Variants in ABCC4 observed in about 807,000 individuals in gnomAD.
The protein encoded by ABCC4 is ATP binding cassette subfamily C member 4 (PEL blood group), also known as ATP-binding cassette sub-family C member 4.
A neutral mutation model predicts 168.5 loss-of-function variants in ABCC4; 102 were observed. The observed-to-expected ratio is 0.61, with a 90% CI of 0.52 to 0.71. The LOEUF (loss-of-function observed/expected upper bound fraction) is 0.71. Among genes scored for constraint, ABCC4 ranks in the 30% least tolerant of loss-of-function variants. The pLI, the probability that ABCC4 is intolerant of heterozygous loss-of-function variation, is 0.00. For synonymous variants in ABCC4, 617 were observed against 590.7 expected (o/e 1.04, Z -0.65); for missense variants, 1,402 against 1,605.8 (o/e 0.87, Z 2.17).
At chr13:95,160,773 A>G (rs115666011) in intron 19 of ABCC4, among the ~76,000 whole-genome samples, 1 of 152,194 alleles carries the variant, frequency 6.6e-6, no homozygotes, top group Non-Finnish European at 1.5e-5. Context: ...CTCACGTCAG[A>G]GCATTCCTGA....
chr13:95,244,670 A>C (rs199868241), intron 3 of ABCC4, among the ~76,000 whole-genome samples: 31,085 of 106,448 alleles, frequency 0.29, 9,928 homozygotes, highest in Non-Finnish European at 0.4. Flanking sequence ...AGAAAGAAAG[A>C]AATCATAGCA....
At chr13:95,262,528 C>G (rs2040557284) in intron 1 of ABCC4, among the ~76,000 whole-genome samples, 2 of 152,304 alleles carry the variant, frequency 1.3e-5, no homozygotes, top group South Asian at 4.1e-4. Context: ...AATCAGTCCT[C>G]CAGGTGTCTT....
At chr13:95,246,162 C>T (rs909472848) in intron 3 of ABCC4, among the ~76,000 whole-genome samples, 1 of 152,128 alleles carries the variant, frequency 6.6e-6, no homozygotes, top group Non-Finnish European at 1.5e-5. Flanking sequence ...AGGTTATTGC[C>T]CTTCTGGCTG....
chr13:95,071,894 G>A (rs1209567057), intron 24 of ABCC4, 41 bp from the exon 25 acceptor site: 2 of 1,365,492 alleles, frequency 1.5e-6, no homozygotes, highest in Admixed American at 5.4e-5. Flanking sequence ...GGAATGGAGG[G>A]TGTCATTTAT....
intron 1 of ABCC4, among the ~76,000 whole-genome samples, chr13:95,251,664 C>G (rs1050005985): frequency 2.0e-5 from 3 of 152,090 alleles, no homozygotes; most frequent in Non-Finnish European, 4.4e-5. Flanking sequence ...AGGAGGTAAG[C>G]GAGAAGGCAG....
chr13:95,177,427 T>G (rs1678405), intron 13 of ABCC4, among the ~76,000 whole-genome samples: 1 of 151,922 alleles, frequency 6.6e-6, no homozygotes. Flanking sequence ...TAATTACTAG[T>G]AGGGGAAAAC....
chr13:95,282,217 T>G (rs2041143262), intron 1 of ABCC4, among the ~76,000 whole-genome samples: 1 of 151,846 alleles, frequency 6.6e-6, no homozygotes. Context: ...ACATGCGAAC[T>G]TTGGGGGGAC....
chr13:95,164,852 G>A (rs1187960185), intron 15 of ABCC4, among the ~76,000 whole-genome samples: 2 of 151,962 alleles, frequency 1.3e-5, no homozygotes, highest in South Asian at 2.1e-4. Context: ...CTGCTACCAC[G>A]CCTGGCTAAT....
chr13:95,203,877 C>T (rs1030408068), intron 8 of ABCC4, among the ~76,000 whole-genome samples: 23 of 152,190 alleles, frequency 1.5e-4, no homozygotes, highest in African/African-American at 5.1e-4. Context: ...AGTCTGCTTC[C>T]TCGCTCGGCC....
intron 19 of ABCC4, among the ~76,000 whole-genome samples, chr13:95,157,332 C>CAAA (rs61066518): frequency 0.026 from 3,684 of 139,862 alleles, 133 homozygotes; most frequent in African/African-American, 0.085. Flanking sequence ...ACTAAAAATA[C>CAAA]AAAAAAAAAA....
intron 9 of ABCC4, among the ~76,000 whole-genome samples, chr13:95,194,141 T>C (rs1241309493): frequency 1.3e-5 from 2 of 152,180 alleles, no homozygotes; most frequent in African/African-American, 4.8e-5. Flanking sequence ...CAGTACTTCT[T>C]GTGGGTGGCC....
At chr13:95,225,348 T>G in intron 4 of ABCC4, among the ~76,000 whole-genome samples, 1 of 151,440 alleles carries the variant, frequency 6.6e-6, no homozygotes, top group Admixed American at 6.6e-5. Context: ...TTCTATATAC[T>G]AACAACAAAC....
chr13:95,237,312 A>T (rs748290903), intron 3 of ABCC4, among the ~76,000 whole-genome samples: 11 of 152,204 alleles, frequency 7.2e-5, no homozygotes, highest in Non-Finnish European at 1.5e-4. Flanking sequence ...TTAACCTTCA[A>T]CTAATAAGAA....
chr13:95,165,361 A>C (rs2037237305), intron 15 of ABCC4, among the ~76,000 whole-genome samples: 1 of 152,176 alleles, frequency 6.6e-6, no homozygotes, highest in African/African-American at 2.4e-5. Flanking sequence ...GACTCCTGAT[A>C]ATTTGGCATG....
chr13:95,064,245 G>GGTGTGT (rs530317662), intron 25 of ABCC4, among the ~76,000 whole-genome samples: 2 of 42,888 alleles, frequency 4.7e-5, no homozygotes, highest in East Asian at 1.2e-3. Context: ...GGTACATCCG[G>GGTGTGT]GTGTGTGTGT....
chr13:95,179,674 CG>C (rs2037825600), intron 11 of ABCC4, among the ~76,000 whole-genome samples: 1 of 152,156 alleles, frequency 6.6e-6, no homozygotes, highest in Non-Finnish European at 1.5e-5. Flanking sequence ...TGGAGAACAT[CG>C]CTGGGTATTG....
intron 20 of ABCC4, among the ~76,000 whole-genome samples, chr13:95,098,296 A>G (rs1332506076): frequency 1.3e-5 from 2 of 152,168 alleles, no homozygotes; most frequent in African/African-American, 4.8e-5. Context: ...TTAATGTTCA[A>G]TCTTAAAAAG....
At chr13:95,269,226 G>T in intron 1 of ABCC4, 1 of 450,530 alleles carries the variant, frequency 2.2e-6, no homozygotes, top group Non-Finnish European at 4.5e-6. Context: ...CTAGAAGTCA[G>T]GGTGGGCTGG....
At position 95,286,205 on chromosome 13, in the gene ABCC4, C is replaced by T. The variant is rs141076172; in HGVS notation, c.74+15036G>A. Among the ~76,000 whole-genome samples, 391 of 147,512 alleles carry T rather than the reference C, an allele frequency of 2.7e-3. 5 individuals carry two copies. Among genetic ancestry groups the T allele is most frequent in the African/African-American group, 9.3e-3 (373 of 40,038 alleles). On this transcript the variant is annotated intron_variant, in intron 1 of 30. Coordinates refer to ENST00000645237, the MANE Select transcript of ABCC4 (RefSeq NM_005845.5). The stretch of plus-strand genomic sequence containing the variant: ...CACAATTTCGGCTCACTGCAACCTC[C>T]GCCTCCCAGGTTCAAGCGATTCTCC...
Sources: allele counts gnomAD v4.1 joint callset (sites outside exome capture counted in the v4.1 genomes callset), GRCh38; gene constraint gnomAD v4.1.1; transcripts MANE v1.5; gene names NCBI Gene and HGNC (gene_info 2026-07-23, HGNC 2026-07-21).